The following KYNU variants were observed in gnomAD, a reference collection of about 807,000 sequenced individuals.
KYNU encodes L-kynurenine hydrolase.
In KYNU, 54 loss-of-function variants were observed where a neutral mutation model predicts 59.2. The observed-to-expected ratio is 0.91, with a 90% CI of 0.73 to 1.14. The LOEUF (loss-of-function observed/expected upper bound fraction) is 1.14. Among genes scored for constraint, KYNU ranks in the 50% most tolerant of loss-of-function variants. The pLI is 0.00. For synonymous variants in KYNU, 177 were observed against 192.0 expected, an observed-to-expected ratio of 0.92 and a Z score of 0.65; for missense variants, 567 against 554.4, an observed-to-expected ratio of 1.02 and a Z score of -0.23.
At chr2:143,036,600 T>G (rs1469767660) in intron 12 of KYNU, among the ~76,000 whole-genome samples, 1 of 152,246 alleles carries the variant, frequency 6.6e-6, no homozygotes, top group Non-Finnish European at 1.5e-5. Flanking sequence ...TATATTGATT[T>G]ATTTATTACA....
chr2:142,902,172 G>A (rs1682119136), intron 2 of KYNU, among the ~76,000 whole-genome samples: 1 of 152,158 alleles, frequency 6.6e-6, no homozygotes, highest in Non-Finnish European at 1.5e-5. Flanking sequence ...GACTGCAACT[G>A]CCGCCACTAC....
chr2:142,911,298 T>G (rs1159655278), intron 2 of KYNU, among the ~76,000 whole-genome samples: 3 of 152,194 alleles, frequency 2.0e-5, no homozygotes, highest in Non-Finnish European at 4.4e-5. Flanking sequence ...GATGTATTTC[T>G]TAGTGTTTTA....
intron 1 of KYNU, among the ~76,000 whole-genome samples, chr2:142,878,905 T>G (rs12474554): frequency 0.22 from 33,751 of 152,198 alleles, 4,602 homozygotes; most frequent in South Asian, 0.4. Flanking sequence ...GAAAGTAAAA[T>G]TTAACTTTAA....
At chr2:142,903,239 G>T (rs1682169504) in intron 2 of KYNU, among the ~76,000 whole-genome samples, 2 of 152,210 alleles carry the variant, frequency 1.3e-5, no homozygotes, top group East Asian at 3.9e-4. Context: ...GTAGGGAAAG[G>T]AGGTGGAATC....
intron 2 of KYNU, among the ~76,000 whole-genome samples, chr2:142,901,385 G>A (rs1175139221): frequency 1.3e-5 from 2 of 152,186 alleles, no homozygotes; most frequent in African/African-American, 2.4e-5. Context: ...TCCCAGAGGG[G>A]ATTACCCCAT....
intron 3 of KYNU, among the ~76,000 whole-genome samples, chr2:142,926,132 G>A (rs1273313003): frequency 1.3e-5 from 2 of 152,208 alleles, no homozygotes; most frequent in East Asian, 1.9e-4. Context: ...GCCTGTGGGG[G>A]GTGAGGGGCT....
At position 143,045,979 on chromosome 2, in the gene KYNU, G is replaced by A. The variant is rs1447524815; in HGVS notation, c.*3807G>A. ...GATGTTTGAGTGAGGGGAAATATTG[G>A]AAGGTGCTCATAAGTTTATAAATGT... On this transcript the variant is annotated 3_prime_UTR_variant, in exon 14 of 14. Coordinates refer to ENST00000264170, the MANE Select transcript of KYNU (RefSeq NM_003937.3). 1 of 152,130 alleles carries A rather than the reference G, an allele frequency of 6.6e-6. No homozygotes were observed. The highest frequency in any genetic ancestry group is 1.5e-5 in the Non-Finnish European group (1 of 68,006). 9.4% of individuals were successfully genotyped at this position (152,130 alleles called of 1,614,324 possible).
At chr2:142,986,627 A>C (rs1329442678) in intron 10 of KYNU, among the ~76,000 whole-genome samples, 2 of 151,880 alleles carry the variant, frequency 1.3e-5, no homozygotes, top group Non-Finnish European at 1.5e-5. Context: ...ATACACCAAC[A>C]AACTTACACA....
Position 143,046,333 on chromosome 2 carries a change from A to C in KYNU, c.*4161A>C, listed in dbSNP as rs1456325582. ...TTTGCACATATTTTTAGATTCATCC[A>C]TTTGTGGCATGTAGCTTTCCATTCA... On this transcript the variant is annotated 3_prime_UTR_variant, in exon 14 of 14. Transcript: ENST00000264170. 2 of 152,094 alleles carry C rather than the reference A, an allele frequency of 1.3e-5. No homozygotes were observed. Among genetic ancestry groups the C allele is most frequent in the Non-Finnish European group, 2.9e-5 (2 of 68,018 alleles). 9.4% of individuals were successfully genotyped at this position (152,094 alleles called of 1,614,324 possible). A position where few individuals can be genotyped will look rare whatever the true frequency, so the allele number is the denominator to read the frequency against.
Position 143,029,613 on chromosome 2 carries a change from T to A in KYNU, c.903-14T>A, listed in dbSNP as rs374745416. ...AAAACCCCCAAAAACCTAATGTTTT[T>A]ATTTATATTTTAGATTAGTGGGATG... is the stretch of plus-strand genomic sequence containing the variant. On this transcript the variant is annotated splice_polypyrimidine_tract_variant and intron_variant, in intron 10 of 13. Transcript: ENST00000264170. The A allele has an allele frequency of 6.3e-7, 1 of 1,582,856 alleles. No homozygotes were observed. Among genetic ancestry groups the A allele is most frequent in the South Asian group, 1.1e-5 (1 of 90,386 alleles).
chr2:143,023,712 A>G (rs1044191224), intron 10 of KYNU, among the ~76,000 whole-genome samples: 2 of 151,912 alleles, frequency 1.3e-5, no homozygotes, highest in African/African-American at 4.8e-5. Flanking sequence ...TAAATCTATA[A>G]TTGTTCAAGG....
intron 2 of KYNU, among the ~76,000 whole-genome samples, chr2:142,907,078 T>G (rs1038735402): frequency 6.6e-6 from 1 of 152,208 alleles, no homozygotes; most frequent in African/African-American, 2.4e-5. Context: ...AAAAGTGGTC[T>G]GATATTACTC....
intron 6 of KYNU, 72 bp downstream of exon 6, chr2:142,956,346 G>A (rs1684165270): frequency 1.1e-6 from 1 of 937,318 alleles, no homozygotes; most frequent in Non-Finnish European, 1.7e-6. Context: ...TGCCTGACTT[G>A]AATGTTTACT....
rs912728350 is a variant in KYNU, at chr2:143,050,030, T to C, written c.*7858T>C. The C allele has an allele frequency of 6.8e-6, 1 of 147,908 alleles. No homozygotes were observed. The highest frequency in any genetic ancestry group is 1.9e-4 in the East Asian group (1 of 5,158). 9.2% of individuals were successfully genotyped at this position (147,908 alleles called of 1,614,324 possible). A position where few individuals can be genotyped will look rare whatever the true frequency, so the allele number is the denominator to read the frequency against. On this transcript the variant is annotated 3_prime_UTR_variant, in exon 14 of 14. Coordinates refer to ENST00000264170, the MANE Select transcript of KYNU (RefSeq NM_003937.3). ...AATATATATATAATATATAAACATA[T>C]ATTTATATAAAATAAAAACATATAA...
At chr2:143,012,058 T>G (rs1417812379) in intron 10 of KYNU, among the ~76,000 whole-genome samples, 1 of 127,996 alleles carries the variant, frequency 7.8e-6, no homozygotes, top group African/African-American at 2.9e-5. Flanking sequence ...AAACTTAAAG[T>G]ATAATAAAAA....
chr2:143,022,039 T>A (rs1247829231), intron 10 of KYNU, among the ~76,000 whole-genome samples: 2 of 152,138 alleles, frequency 1.3e-5, no homozygotes, highest in Admixed American at 6.5e-5. Context: ...AATATTTATA[T>A]CAAATAAAAA....
intron 2 of KYNU, among the ~76,000 whole-genome samples, chr2:142,911,862 G>A (rs140954218): frequency 1.7e-3 from 263 of 152,254 alleles, no homozygotes; most frequent in Admixed American, 2.9e-3. Context: ...GGATTTACAT[G>A]TGTTGAATCA....
chr2:142,929,586 T>C (rs963470153), intron 4 of KYNU, among the ~76,000 whole-genome samples: 5 of 151,358 alleles, frequency 3.3e-5, no homozygotes, highest in Non-Finnish European at 7.4e-5. Flanking sequence ...CCCAAGGTGG[T>C]TGGGTTGACA....
Position 142,960,684 on chromosome 2 carries a change from A to T in KYNU, c.643A>T (p.Ile215Phe), listed in dbSNP as rs543258746. 8.7e-6 allele frequency: 14 copies of T among 1,613,834 alleles called. No homozygotes were observed. In the Admixed American group the frequency reaches 2.0e-4, roughly 23 times the overall value. ...AGTAATTGAGAAGGAAGGAGACTCA[A>T]TTGCAGTGATCCTGTTCAGTGGGGT... is the stretch of plus-strand genomic sequence containing the variant. Reference protein sequence around the residue: ...LEVIEKEGDSIAVILFSGVHF... With the variant: ...LEVIEKEGDSFAVILFSGVHF... Residue 215 changes from isoleucine to phenylalanine, a missense_variant, in exon 8 of 14, where the codon ATT becomes TTT. Physicochemically the swap from Ile to Phe is conservative, Grantham distance 21. Coordinates refer to ENST00000264170, the MANE Select transcript of KYNU (RefSeq NM_003937.3).
Sources: gnomAD v4.1 joint callset for allele counts (sites outside exome capture counted in the v4.1 genomes callset) on GRCh38, gnomAD v4.1.1 for gene constraint, MANE v1.5 for transcripts, NCBI Gene and HGNC (gene_info 2026-07-23, HGNC 2026-07-21) for gene names.